ICAM5: variants seen among roughly 807,000 people sequenced by gnomAD.
ICAM5 encodes the protein ICAM-5.
ICAM5 carries 38 observed loss-of-function variants against 78.8 expected under a neutral mutation model. That is an observed-to-expected ratio of 0.48 (90% CI 0.37 to 0.63). The LOEUF (loss-of-function observed/expected upper bound fraction) is 0.63. Among genes scored for constraint, ICAM5 ranks in the 30% least tolerant of loss-of-function variants. The pLI is 0.00. For missense variants in ICAM5, 1,059 were observed against 1,303.0 expected (o/e 0.81, Z 2.88); for synonymous variants, 544 against 590.9 (o/e 0.92, Z 1.15).
At chr19:10,295,229 CCT>C (rs1491246450) in intron 9 of ICAM5, 115 bp from the exon 10 acceptor site, 2 of 1,148,140 alleles carry the variant, frequency 1.7e-6, no homozygotes, top group Non-Finnish European at 2.3e-6. Flanking sequence ...GAGGCAGGAT[CCT>C]CTTCTGCCCA....
At chr19:10,296,302 A>G in intron 10 of ICAM5, 37 bp from the exon 11 acceptor site, 2 of 1,227,960 alleles carry the variant, frequency 1.6e-6, no homozygotes, top group South Asian at 8.0e-5. Flanking sequence ...AGCCCCCCGG[A>G]GCTTGGCCAC....
In ICAM5 at chr19:10,292,635, C is replaced by A; in HGVS notation, c.985C>A (p.Leu329Met). The A allele has an allele frequency of 6.3e-7, 1 of 1,590,928 alleles. No homozygotes were observed. Among genetic ancestry groups the A allele is most frequent in the Non-Finnish European group, 8.6e-7 (1 of 1,168,554 alleles). ...IYSFPAPLLT[L>M]SEPSVSEGQM... is the part of the protein sequence containing the mutation. Reference sequence around the variant, plus strand: ...AGGCTTCCCGGCACCACTCCTGACCCTGAGCGAACCCAGCGTCTCCGAGGG... The same window carrying A: ...AGGCTTCCCGGCACCACTCCTGACCATGAGCGAACCCAGCGTCTCCGAGGG... The change falls in exon 5 of 11, where the codon CTG becomes ATG. Residue 329 changes from leucine (L) to methionine (M), a missense_variant. Leu to Met is a conservative substitution (Grantham distance 15, BLOSUM62 2). Around this residue, in one of 3 missense-constraint regions of ICAM5, gnomAD observed 815 missense variants for 952.8 expected, o/e 0.86. Transcript: ENST00000221980.
intron 4 of ICAM5, 42 bp from the exon 5 acceptor site, chr19:10,292,570 G>T: frequency 6.6e-7 from 1 of 1,520,814 alleles, no homozygotes; most frequent in South Asian, 1.3e-5. Flanking sequence ...ACCGGAGGGA[G>T]GGGTATGGTC....
chr19:10,295,207 A>T, intron 9 of ICAM5, 139 bp from the exon 10 acceptor site: 1 of 938,502 alleles, frequency 1.1e-6, no homozygotes, highest in Non-Finnish European at 1.5e-6. Context: ...TCGGGGAAGG[A>T]GGCTCTGATA....
Position 10,295,379 on chromosome 19 carries a change from C to T in ICAM5, c.2264C>T (p.Pro755Leu). ...RPVVAELAAS[P>L]PGGVRPGGNF... ...GTGGTGGCCGAACTTGCTGCCTCGC[C>T]CCCTGGAGGCGTGCGCCCAGGAGGA... Residue 755 changes from proline (P) to leucine (L), a missense_variant, in exon 10 of 11, where the codon CCC (proline) becomes CTC (leucine). Transcript: ENST00000221980. The T allele has an allele frequency of 6.3e-7, 1 of 1,583,858 alleles. No homozygotes were observed. Among genetic ancestry groups the T allele is most frequent in the South Asian group, 1.1e-5 (1 of 88,376 alleles).
In ICAM5 at chr19:10,294,652, C is replaced by T; in HGVS notation, c.2230+12C>T. The T allele has an allele frequency of 6.2e-7, 1 of 1,612,530 alleles. No homozygotes were observed. Among genetic ancestry groups the T allele is most frequent in the Non-Finnish European group, 8.5e-7 (1 of 1,179,776 alleles). On this transcript the variant is annotated intron_variant, in intron 9 of 10. Coordinates refer to ENST00000221980, the MANE Select transcript of ICAM5 (RefSeq NM_003259.4). The surrounding 1 kb of genome is among the most constrained non-coding windows in gnomAD (Gnocchi z 7.7). ...TGTGGGCGTGGAATGTGAGTGGGGG[C>T]AGCACCGGATGGAGGGGACACGGTC... is the stretch of plus-strand genomic sequence containing the variant.
rs1307460357 is a variant in ICAM5 at position 10,290,162 on chromosome 19, G to T, written c.82+37G>T. On this transcript the variant is annotated intron_variant, in intron 1 of 10. Coordinates refer to ENST00000221980, the MANE Select transcript of ICAM5 (RefSeq NM_003259.4). The surrounding 1 kb of genome is among the most constrained non-coding windows in gnomAD (Gnocchi z 5.7). Reference sequence around the variant, plus strand: ...GCTCTGGTTCGGGGTGGACAGGGCGGGGGCGGAGTCCCTGGACCTGAGAAA... The same window carrying T: ...GCTCTGGTTCGGGGTGGACAGGGCGTGGGCGGAGTCCCTGGACCTGAGAAA... 3 of 1,435,578 alleles carry T rather than the reference G, an allele frequency of 2.1e-6. No individual in the cohort carries two copies. Among genetic ancestry groups the T allele is most frequent in the Non-Finnish European group, 2.8e-6 (3 of 1,077,910 alleles). 88.9% of individuals were successfully genotyped at this position (1,435,578 alleles called of 1,614,324 possible).
rs1287270326 is a variant in ICAM5 at position 10,291,087 on chromosome 19, C to G, written c.98C>G (p.Pro33Arg). Residue 33 changes from proline to arginine, a missense_variant, in exon 2 of 11, where the codon CCC becomes CGC. Transcript: ENST00000221980. ...LFGLSAVSQE[P>R]FWADLQPRVA... is the part of the protein sequence containing the mutation. ...CCCTGGGCAGCGGTCTCGCAGGAGC[C>G]CTTCTGGGCGGACCTGCAGCCTCGC... The G allele has an allele frequency of 3.1e-6, 5 of 1,609,542 alleles. No homozygotes were observed.
At chr19:10,295,224 A>G in intron 9 of ICAM5, 122 bp from the exon 10 acceptor site, 5 of 1,067,434 alleles carry the variant, frequency 4.7e-6, no homozygotes, top group Non-Finnish European at 6.4e-6. Flanking sequence ...GATAGGAGGC[A>G]GGATCCTCTT....
At position 10,294,189 on chromosome 19, in the gene ICAM5, C is replaced by T. The variant is rs1304242334; in HGVS notation, c.1861C>T (p.Pro621Ser). Residue 621 changes from proline (P) to serine (S), a missense_variant, in exon 8 of 11, where the codon CCG becomes TCG. Pro to Ser is a moderately conservative substitution (Grantham distance 74). This residue lies in a region of ICAM5 where 815 missense variants were observed against 952.8 expected (regional missense o/e 0.86). Transcript: ENST00000221980. The surrounding 1 kb of genome is among the most constrained non-coding windows in gnomAD (Gnocchi z 7.7). ...SGGATEGVLL[P>S]LAPPDPSPRA... ...GGGCGCCACTGAGGGGGTGCTGCTG[C>T]CGCTGGCACCCCCAGACCCTAGTCC... The T allele has an allele frequency of 2.5e-6, 4 of 1,613,962 alleles. No homozygotes were observed. The highest frequency in any genetic ancestry group is 3.4e-6 in the Non-Finnish European group (4 of 1,179,982).
At chr19:10,292,014 A>G (rs1415461771) in intron 3 of ICAM5, 21 bp from the exon 4 acceptor site, 1 of 1,607,224 alleles carries the variant, frequency 6.2e-7, no homozygotes, top group South Asian at 1.1e-5. Flanking sequence ...GTTAGTTCAA[A>G]CTTGGTTCTT....
rs139993605 is a variant in ICAM5, at chr19:10,292,637, G to A, written c.987G>A (p.Leu329=). 1 of 1,592,230 alleles carries A rather than the reference G, an allele frequency of 6.3e-7. No individual in the cohort carries two copies. The highest frequency in any genetic ancestry group is 8.6e-7 in the Non-Finnish European group (1 of 1,169,060). Residue 329 remains leucine (L), a synonymous_variant, in exon 5 of 11, where the codon CTG becomes CTA. Coordinates refer to ENST00000221980, the MANE Select transcript of ICAM5 (RefSeq NM_003259.4). ...IYSFPAPLLT[L]SEPSVSEGQM... The stretch of plus-strand genomic sequence containing the variant: ...GCTTCCCGGCACCACTCCTGACCCT[G>A]AGCGAACCCAGCGTCTCCGAGGGGC...
chr19:10,294,450 G>A lies in ICAM5; in HGVS notation c.2040G>A (p.Leu680=), dbSNP rs552498004. The change falls in exon 9 of 11, where the codon CTG becomes CTA. Residue 680 remains leucine (L), a synonymous_variant. Transcript: ENST00000221980. This position sits in a 1 kb window ranked among gnomAD's most constrained non-coding sequence, Gnocchi z 7.7. ...ESTCPSHQTW[L]EGAEASALAC... The stretch of plus-strand genomic sequence containing the variant: ...CCTGCCCAAGTCACCAGACGTGGCT[G>A]GAAGGGGCTGAGGCTTCCGCGCTGG... 14 of 1,610,500 alleles carry A rather than the reference G, an allele frequency of 8.7e-6. No homozygotes were observed. In the African/African-American group the frequency reaches 1.7e-4, roughly 20 times the overall value.
At chr19:10,295,145 T>A (rs1419378427) in intron 9 of ICAM5, among the ~76,000 whole-genome samples, 1 of 152,162 alleles carries the variant, frequency 6.6e-6, no homozygotes, top group East Asian at 1.9e-4. Context: ...TTCACCTCCT[T>A]CCATTCGGTG....
chr19:10,290,222 C>A lies in ICAM5; in HGVS notation c.82+97C>A. The A allele has an allele frequency of 1.1e-6, 1 of 893,526 alleles. No homozygotes were observed. Among genetic ancestry groups the A allele is most frequent in the East Asian group, 3.0e-5 (1 of 33,026 alleles). 55.3% of individuals were successfully genotyped at this position (893,526 alleles called of 1,614,324 possible). ...GTCCCTCCCAGCTCTGCCCTCGCCTCGCTCCCACGCCTCTGCCCCCACCTC... is the reference window on the plus strand; with the variant it reads ...GTCCCTCCCAGCTCTGCCCTCGCCTAGCTCCCACGCCTCTGCCCCCACCTC... On this transcript the variant is annotated intron_variant, in intron 1 of 10. Transcript: ENST00000221980. This position sits in a 1 kb window ranked among gnomAD's most constrained non-coding sequence, Gnocchi z 5.7.
Position 10,290,683 on chromosome 19 carries a change from C to T in ICAM5, c.83-389C>T. On this transcript the variant is annotated intron_variant, in intron 1 of 10. Transcript: ENST00000221980. This position sits in a 1 kb window ranked among gnomAD's most constrained non-coding sequence, Gnocchi z 5.7. ...TTGCCCTTGCCGCAAACGCACTCTC[C>T]TCGTATCCCGGCATTCTGCCAGGAC... The T allele has an allele frequency of 3.4e-6, 1 of 298,004 alleles. No homozygotes were observed. The highest frequency in any genetic ancestry group is 6.5e-5 in the South Asian group (1 of 15,398). The allele number at this position is 298,004 out of a possible 1,614,324, so 18.5% of individuals were successfully genotyped here. A position where few individuals can be genotyped will look rare whatever the true frequency, so the allele number is the denominator to read the frequency against.
chr19:10,292,554 G>A, intron 4 of ICAM5, 58 bp from the exon 5 acceptor site: 1 of 1,517,058 alleles, frequency 6.6e-7, no homozygotes, highest in Non-Finnish European at 8.8e-7. Context: ...TAAGGGGCGG[G>A]CCTTGACCGG....
chr19:10,295,222 G>A (rs987418681), intron 9 of ICAM5, 124 bp from the exon 10 acceptor site: 25 of 1,080,482 alleles, frequency 2.3e-5, no homozygotes, highest in Non-Finnish European at 3.1e-5. Flanking sequence ...CTGATAGGAG[G>A]CAGGATCCTC....
At position 10,293,227 on chromosome 19, in the gene ICAM5, C is replaced by T. The variant is rs760472678; in HGVS notation, c.1446C>T (p.Asp482=). 13 of 1,590,662 alleles carry T rather than the reference C, an allele frequency of 8.2e-6. No individual in the cohort carries two copies. In the East Asian group the frequency reaches 2.5e-4, roughly 30 times the overall value. Residue 482 remains aspartate (D), a synonymous_variant, in exon 6 of 11, where the codon GAC becomes GAT. Transcript: ENST00000221980. This position sits in a 1 kb window ranked among gnomAD's most constrained non-coding sequence, Gnocchi z 5.0. ...AANDQGEAVK[D]VTLTVEYAPA... is the part of the protein sequence containing the mutation. The stretch of plus-strand genomic sequence containing the variant: ...ATGATCAAGGCGAGGCGGTCAAGGA[C>T]GTAACGCTAACGGTGGAGTGTGAGT...
Sources: allele counts gnomAD v4.1 joint callset (sites outside exome capture counted in the v4.1 genomes callset), GRCh38; gene constraint gnomAD v4.1.1; regional missense constraint gnomAD v4.1.1; non-coding constraint Gnocchi (gnomAD v3.1); transcripts MANE v1.5; gene names NCBI Gene and HGNC (gene_info 2026-07-23, HGNC 2026-07-21).